THSD7B: variants seen among roughly 807,000 people sequenced by gnomAD.
THSD7B encodes thrombospondin type 1 domain containing 7B.
A neutral mutation model predicts 213.6 loss-of-function variants in THSD7B; 138 were observed. The ratio of observed to expected loss-of-function variants is 0.65; its 90% confidence interval spans 0.56 to 0.74. The LOEUF (loss-of-function observed/expected upper bound fraction) is 0.74, where lower values mean the gene tolerates loss of function less well. THSD7B is among the 30% of genes least tolerant of loss of function. The probability of loss-of-function intolerance (pLI) is 0.00; values close to 1 mark genes in which losing one functional copy is unlikely to be tolerated. For missense variants in THSD7B, 1,931 were observed against 1,991.5 expected, an observed-to-expected ratio of 0.97 and a Z score of 0.58; for synonymous variants, 742 against 687.0, an observed-to-expected ratio of 1.08 and a Z score of -1.25.
intron 1 of THSD7B, among the ~76,000 whole-genome samples, chr2:136,836,753 C>G (rs903108576): frequency 6.6e-6 from 1 of 152,180 alleles, no homozygotes; most frequent in Non-Finnish European, 1.5e-5. Flanking sequence ...AACTCCTGAG[C>G]TTCAGGCTTT....
chr2:137,381,192 G>A (rs1370337569), intron 12 of THSD7B, among the ~76,000 whole-genome samples: 3 of 152,218 alleles, frequency 2.0e-5, no homozygotes, highest in Non-Finnish European at 2.9e-5. Context: ...GGTGGCAGCC[G>A]TATTGCTCAG....
chr2:137,635,824 C>T (rs1682822823), intron 20 of THSD7B, among the ~76,000 whole-genome samples: 1 of 151,834 alleles, frequency 6.6e-6, no homozygotes, highest in Non-Finnish European at 1.5e-5. Context: ...CCTGTCTCAG[C>T]CTCCGAATAG....
chr2:136,810,697 C>T (rs903691968), intron 1 of THSD7B, among the ~76,000 whole-genome samples: 10 of 152,254 alleles, frequency 6.6e-5, no homozygotes, highest in South Asian at 2.1e-4. Context: ...CATCCTTAGT[C>T]GTTATATAGT....
intron 7 of THSD7B, among the ~76,000 whole-genome samples, chr2:137,226,479 A>G (rs866582284): frequency 2.0e-5 from 3 of 151,870 alleles, no homozygotes; most frequent in Middle Eastern, 6.8e-3. Flanking sequence ...TATAACTGCT[A>G]TTTATATTTT....
chr2:137,145,546 G>A (rs1299563444), intron 5 of THSD7B, among the ~76,000 whole-genome samples: 1 of 152,008 alleles, frequency 6.6e-6, no homozygotes, highest in African/African-American at 2.4e-5. Flanking sequence ...AAGATCTTGA[G>A]CTGCCAGAGG....
chr2:136,902,751 C>A (rs1684084784), intron 2 of THSD7B, among the ~76,000 whole-genome samples: 1 of 152,156 alleles, frequency 6.6e-6, no homozygotes, highest in South Asian at 2.1e-4. Flanking sequence ...AATATTGTGG[C>A]AATGTCTGCA....
chr2:137,595,725 T>G (rs1681945517), intron 17 of THSD7B, among the ~76,000 whole-genome samples: 1 of 151,950 alleles, frequency 6.6e-6, no homozygotes. Flanking sequence ...TATAGATATA[T>G]GTACACATTC....
chr2:137,455,075 C>A (rs1041151710), intron 15 of THSD7B, among the ~76,000 whole-genome samples: 1 of 152,080 alleles, frequency 6.6e-6, no homozygotes, highest in African/African-American at 2.4e-5. Flanking sequence ...TATACTTATT[C>A]ATTCTCCTCC....
chr2:137,022,360 C>T (rs1393374889), intron 2 of THSD7B, among the ~76,000 whole-genome samples: 4 of 152,072 alleles, frequency 2.6e-5, no homozygotes, highest in Admixed American at 1.3e-4. Flanking sequence ...GTTGTCATTA[C>T]TTTTTTATTT....
At chr2:137,224,382 C>T (rs554872994) in intron 7 of THSD7B, among the ~76,000 whole-genome samples, 1 of 152,280 alleles carries the variant, frequency 6.6e-6, no homozygotes, top group Non-Finnish European at 1.5e-5. Flanking sequence ...TTGTCCATGT[C>T]CAAATTCAAG....
intron 17 of THSD7B, among the ~76,000 whole-genome samples, chr2:137,602,893 A>G (rs1682102152): frequency 6.6e-6 from 1 of 152,082 alleles, no homozygotes; most frequent in Admixed American, 6.5e-5. Flanking sequence ...TCTGTGCCAC[A>G]TGTCTGTATC....
At chr2:137,520,187 A>G (rs1360170498) in intron 15 of THSD7B, among the ~76,000 whole-genome samples, 2 of 152,200 alleles carry the variant, frequency 1.3e-5, no homozygotes, top group Non-Finnish European at 2.9e-5. Context: ...GGAATAAATT[A>G]GTTTACAGAG....
intron 12 of THSD7B, among the ~76,000 whole-genome samples, chr2:137,369,442 C>T (rs1214227157): frequency 1.3e-5 from 2 of 152,118 alleles, no homozygotes; most frequent in Non-Finnish European, 2.9e-5. Context: ...TGGACTGTTT[C>T]TTTGTGACTT....
chr2:137,108,786 A>G (rs1688298204), intron 4 of THSD7B, among the ~76,000 whole-genome samples: 1 of 152,238 alleles, frequency 6.6e-6, no homozygotes, highest in African/African-American at 2.4e-5. Context: ...TATAAACTAA[A>G]CATAGAGAAA....
rs116791702 is a variant in THSD7B, at chr2:137,317,786, C to T, written c.2500+41760C>T. 5.1e-3 allele frequency among the ~76,000 whole-genome samples: 773 copies of T among 152,100 alleles called. 3 individuals are homozygous for T. The highest frequency in any genetic ancestry group is 0.017 in the African/African-American group (722 of 41,490). ...AAAAGAAATGAGCTGGGCATGGTGG[C>T]GCACACCTGTAGACCTAGTTACTCA... is the stretch of plus-strand genomic sequence containing the variant. On this transcript the variant is annotated intron_variant, in intron 12 of 27. Transcript: ENST00000409968.
chr2:137,062,672 G>A (rs556934028), intron 3 of THSD7B, among the ~76,000 whole-genome samples: 2 of 151,904 alleles, frequency 1.3e-5, no homozygotes, highest in African/African-American at 4.8e-5. Flanking sequence ...GGGAGCATAT[G>A]TTGTATGATT....
At chr2:136,839,588 G>A (rs947665584) in intron 1 of THSD7B, among the ~76,000 whole-genome samples, 1 of 151,960 alleles carries the variant, frequency 6.6e-6, no homozygotes, top group Non-Finnish European at 1.5e-5. Flanking sequence ...CTTCCTTTAG[G>A]CAGAGCCCCT....
intron 6 of THSD7B, among the ~76,000 whole-genome samples, chr2:137,168,885 T>G (rs997841674): frequency 6.6e-6 from 1 of 152,138 alleles, no homozygotes; most frequent in Non-Finnish European, 1.5e-5. Context: ...GCTCGTCAAG[T>G]GAAGTTTACA....
chr2:136,888,603 A>G (rs1168250058), intron 2 of THSD7B, among the ~76,000 whole-genome samples: 1 of 152,152 alleles, frequency 6.6e-6, no homozygotes, highest in Non-Finnish European at 1.5e-5. Context: ...TTTATCTAAG[A>G]GGCATGAGTG....
Sources: gnomAD v4.1 joint callset for allele counts (sites outside exome capture counted in the v4.1 genomes callset) on GRCh38, gnomAD v4.1.1 for gene constraint, MANE v1.5 for transcripts, NCBI Gene and HGNC (gene_info 2026-07-23, HGNC 2026-07-21) for gene names.